Variants in IQGAP2 observed in about 807,000 individuals in gnomAD.
The protein encoded by IQGAP2 is IQ motif containing GTPase activating protein 2.
In IQGAP2, 173 loss-of-function variants were observed where a neutral mutation model predicts 201.3. The ratio of observed to expected loss-of-function variants is 0.86; its 90% CI spans 0.76 to 0.98. The LOEUF is 0.98. Ranked by LOEUF, IQGAP2 falls within the 50% of genes least tolerant of loss-of-function variation. The pLI is 0.00. For synonymous variants in IQGAP2, 675 were observed against 673.9 expected, an observed-to-expected ratio of 1.00 and a Z score of -0.03; for missense variants, 1,687 against 1,864.8, an observed-to-expected ratio of 0.90 and a Z score of 1.76.
intron 1 of IQGAP2, among the ~76,000 whole-genome samples, chr5:76,421,743 G>C (rs1751741728): frequency 6.6e-6 from 1 of 152,184 alleles, no homozygotes; most frequent in Non-Finnish European, 1.5e-5. Flanking sequence ...TAAAGTTTTT[G>C]ATTGGTGACT....
chr5:76,498,167 T>C (rs763629597), intron 2 of IQGAP2, among the ~76,000 whole-genome samples: 1 of 152,226 alleles, frequency 6.6e-6, no homozygotes, highest in Non-Finnish European at 1.5e-5. Context: ...GACATACATA[T>C]TCAAATTTAG....
intron 2 of IQGAP2, among the ~76,000 whole-genome samples, chr5:76,508,660 T>C (rs534568848): frequency 1.3e-5 from 2 of 151,684 alleles, no homozygotes; most frequent in South Asian, 2.1e-4. Flanking sequence ...CTGGGCAACA[T>C]AGTGAGACCC....
At chr5:76,501,643 C>CTTTTTTTCTT (rs764511380) in intron 2 of IQGAP2, among the ~76,000 whole-genome samples, 1 of 101,100 alleles carries the variant, frequency 9.9e-6, no homozygotes, top group Non-Finnish European at 1.8e-5. Context: ...TTTTCCTTTT[C>CTTTTTTTCTT]TTTTTTTTTT....
At chr5:76,473,114 A>G (rs1458414052) in intron 2 of IQGAP2, among the ~76,000 whole-genome samples, 3 of 152,230 alleles carry the variant, frequency 2.0e-5, no homozygotes, top group Non-Finnish European at 4.4e-5. Context: ...CTGACTTCAA[A>G]GACTGTGCTT....
At chr5:76,541,189 C>T (rs1282536967) in intron 2 of IQGAP2, among the ~76,000 whole-genome samples, 1 of 151,196 alleles carries the variant, frequency 6.6e-6, no homozygotes, top group Non-Finnish European at 1.5e-5. Flanking sequence ...TTCCCTATTC[C>T]CCCTCCTCCT....
intron 35 of IQGAP2, among the ~76,000 whole-genome samples, chr5:76,704,292 G>A (rs971802119): frequency 6.6e-6 from 1 of 152,212 alleles, no homozygotes; most frequent in African/African-American, 2.4e-5. Flanking sequence ...TGATTGCCAA[G>A]AAGGAAATTA....
intron 19 of IQGAP2, 60 bp downstream of exon 19, chr5:76,654,331 T>C (rs1752740394): frequency 9.1e-7 from 1 of 1,101,320 alleles, no homozygotes; most frequent in Non-Finnish European, 1.4e-6. Flanking sequence ...GAATGCTTTA[T>C]TGAAAGTTAG....
intron 15 of IQGAP2, among the ~76,000 whole-genome samples, chr5:76,632,259 A>T (rs1750775323): frequency 6.6e-6 from 1 of 152,204 alleles, no homozygotes; most frequent in Non-Finnish European, 1.5e-5. Flanking sequence ...GTCATATTTG[A>T]GGAGTCTGTG....
chr5:76,453,169 C>T (rs1305250627), intron 1 of IQGAP2, among the ~76,000 whole-genome samples: 1 of 152,130 alleles, frequency 6.6e-6, no homozygotes, highest in East Asian at 1.9e-4. Flanking sequence ...CCGCCTCGGC[C>T]TTCCAAAGTG....
At chr5:76,617,825 A>G (rs1171563217) in intron 13 of IQGAP2, 1 of 1,613,908 alleles carries the variant, frequency 6.2e-7, no homozygotes, top group African/African-American at 1.3e-5. Context: ...ACAACCATCT[A>G]TGATCGTATG....
At chr5:76,560,438 T>C (rs1023041848) in intron 2 of IQGAP2, among the ~76,000 whole-genome samples, 3 of 152,062 alleles carry the variant, frequency 2.0e-5, no homozygotes, top group African/African-American at 4.8e-5. Context: ...ATTACAGGCA[T>C]GAGCCATAGC....
At chr5:76,608,882 T>G (rs1748022900) in intron 12 of IQGAP2, 1 of 443,802 alleles carries the variant, frequency 2.3e-6, no homozygotes, top group African/African-American at 2.0e-5. Flanking sequence ...CTCAAATACA[T>G]GAACTCTAAA....
At chr5:76,619,692 AT>A (rs545549597) in intron 13 of IQGAP2, among the ~76,000 whole-genome samples, 1 of 151,490 alleles carries the variant, frequency 6.6e-6, no homozygotes, top group Non-Finnish European at 1.5e-5. Flanking sequence ...AATTTTTTGT[AT>A]TTTTTTAGTA....
chr5:76,425,075 T>G (rs921116792), intron 1 of IQGAP2, among the ~76,000 whole-genome samples: 3 of 152,200 alleles, frequency 2.0e-5, no homozygotes, highest in Non-Finnish European at 4.4e-5. Flanking sequence ...GTCAGACCTT[T>G]CCTGCTTCTG....
chr5:76,428,360 A>C lies in IQGAP2; in HGVS notation c.46+24769A>C, dbSNP rs1044102632. 2.6e-5 allele frequency among the ~76,000 whole-genome samples: 4 copies of C among 151,788 alleles called. No homozygotes were observed. The East Asian group carries it at 5.8e-4, about 22-fold the overall frequency. ...CACGTGAAGTGAGTAAAATGTTTAA[A>C]TCTGGTAATGCAAAGGAAGATGGGG... On this transcript the variant is annotated intron_variant, in intron 1 of 35. Coordinates refer to ENST00000274364, the MANE Select transcript of IQGAP2 (RefSeq NM_006633.5).
At chr5:76,484,991 G>T (rs568968635) in intron 2 of IQGAP2, among the ~76,000 whole-genome samples, 1 of 152,240 alleles carries the variant, frequency 6.6e-6, no homozygotes, top group South Asian at 2.1e-4. Flanking sequence ...ACCATGCCTG[G>T]CTATGCTTTT....
intron 2 of IQGAP2, among the ~76,000 whole-genome samples, chr5:76,556,224 A>G (rs1170345326): frequency 6.6e-6 from 1 of 152,144 alleles, no homozygotes; most frequent in African/African-American, 2.4e-5. Flanking sequence ...TCAATCAGGT[A>G]TGACATTTAC....
chr5:76,490,536 A>G (rs2150154925), intron 2 of IQGAP2, among the ~76,000 whole-genome samples: 1 of 152,370 alleles, frequency 6.6e-6, no homozygotes, highest in East Asian at 1.9e-4. Context: ...ACTTAGGAGC[A>G]GTGCAGTGGA....
intron 1 of IQGAP2, among the ~76,000 whole-genome samples, chr5:76,430,240 G>A (rs575787396): frequency 5.4e-5 from 3 of 55,906 alleles, no homozygotes; most frequent in African/African-American, 1.6e-4. Context: ...AATCCAGACA[G>A]GGCACAGTGG....
Sources: allele counts gnomAD v4.1 joint callset (sites outside exome capture counted in the v4.1 genomes callset), GRCh38; gene constraint gnomAD v4.1.1; transcripts MANE v1.5; gene names NCBI Gene and HGNC (gene_info 2026-07-23, HGNC 2026-07-21).